The following PFKFB4 variants were observed in gnomAD, a reference collection of about 807,000 sequenced individuals.
The protein encoded by PFKFB4 is 6-phosphofructo-2-kinase/fructose-2,6-bisphosphatase 4.
In PFKFB4, 42 loss-of-function variants were observed where a neutral mutation model predicts 62.8. The ratio of observed to expected loss-of-function variants is 0.67; its 90% CI spans 0.52 to 0.86. The LOEUF is 0.86. Ranked by LOEUF, PFKFB4 falls within the 40% of genes least tolerant of loss-of-function variation. The pLI is 0.00. For missense variants in PFKFB4, 475 were observed against 627.2 expected (o/e 0.76, Z 2.59); for synonymous variants, 204 against 240.7 (o/e 0.85, Z 1.41).
At chr3:48,544,728 GTT>G (rs11348081) in intron 3 of PFKFB4, among the ~76,000 whole-genome samples, 2,689 of 143,552 alleles carry the variant, frequency 0.019, 73 homozygotes, top group African/African-American at 0.064. Flanking sequence ...CAGAAGGTTT[GTT>G]TTTTTTTTTA....
upstream of PFKFB4, among the ~76,000 whole-genome samples, chr3:48,557,838 T>C (rs2043367968): frequency 6.6e-6 from 1 of 152,228 alleles, no homozygotes. Context: ...CGCCCGGCCG[T>C]GCGTGGCACT....
In PFKFB4 at chr3:48,543,602, C is replaced by T. The variant is rs771632526; in HGVS notation, c.356G>A (p.Ser119Asn). The part of the protein sequence containing the change: ...AALRDVRRFL[S>N]EEGGHVAVFD... ...CACCGCCACATGTCCCCCCTCCTCA[C>T]TAAGGAACCGCCGGACGTCACGGAG... is the stretch of plus-strand genomic sequence containing the variant. Residue 119 changes from serine to asparagine, a missense_variant, in exon 4 of 14, where the codon AGT (serine) becomes AAT (asparagine). Physicochemically the swap from Ser to Asn is conservative, Grantham distance 46. Coordinates refer to ENST00000232375, the MANE Select transcript of PFKFB4 (RefSeq NM_004567.4). 1.9e-6 allele frequency: 3 copies of T among 1,611,912 alleles called. No individual in the cohort carries two copies. The highest frequency in any genetic ancestry group is 1.3e-5 in the African/African-American group (1 of 75,032).
chr3:48,527,448 T>G (rs1411432721), intron 9 of PFKFB4, among the ~76,000 whole-genome samples: 2 of 152,004 alleles, frequency 1.3e-5, no homozygotes, highest in African/African-American at 4.8e-5. Flanking sequence ...ACTTGAATAC[T>G]AACACATATT....
rs767799756 is a variant in PFKFB4, at chr3:48,535,588, A to G, written c.911T>C (p.Met304Thr). The G allele has an allele frequency of 1.2e-6, 2 of 1,613,950 alleles. No homozygotes were observed. Among genetic ancestry groups the G allele is most frequent in the Non-Finnish European group, 1.7e-6 (2 of 1,180,000 alleles). ...IKDLKVWTSQ[M>T]KRTIQTAEAL... is the part of the protein sequence containing the mutation. ...CTCAGCCGTCTGGATTGTCCTCTTC[A>G]TCTGGCTTGTCCAGACCTTCAGATC... Residue 304 changes from methionine to threonine, a missense_variant, in exon 9 of 14, where the codon ATG becomes ACG. By Grantham distance (81) the Met-to-Thr change is moderately conservative. Coordinates refer to ENST00000232375, the MANE Select transcript of PFKFB4 (RefSeq NM_004567.4).
At chr3:48,552,562 C>T (rs140834932) in intron 1 of PFKFB4, among the ~76,000 whole-genome samples, 5 of 152,348 alleles carry the variant, frequency 3.3e-5, no homozygotes, top group African/African-American at 7.2e-5. Context: ...TCCTCAGGGC[C>T]GGTGGACAGC....
chr3:48,556,950 G>A (rs954865409), upstream of PFKFB4: 9 of 1,396,628 alleles, frequency 6.4e-6, no homozygotes, highest in Admixed American at 6.8e-5. The surrounding 1 kb of genome is among the most constrained non-coding windows in gnomAD (Gnocchi z 5.7). Flanking sequence ...AGCTGAAAGG[G>A]GCCCGGCCTC....
rs371652005 is a variant in PFKFB4, at chr3:48,536,201, C to T, written c.840+55G>A. On this transcript the variant is annotated intron_variant, in intron 8 of 13. Transcript: ENST00000232375. ...CGCACTCACACATGCATATACCCAG[C>T]CACGCAGGGTACAAATGCAGGCCCG... The T allele has an allele frequency of 4.2e-5, 64 of 1,518,272 alleles. No individual in the cohort carries two copies. In the African/African-American group the frequency reaches 7.3e-4, roughly 17 times the overall value. 94.1% of individuals were successfully genotyped at this position (1,518,272 alleles called of 1,614,324 possible). A position where few individuals can be genotyped will look rare whatever the true frequency, so the allele number is the denominator to read the frequency against.
intron 13 of PFKFB4, among the ~76,000 whole-genome samples, 157 bp from the exon 14 acceptor site, chr3:48,519,963 TG>T (rs921931058): frequency 8.2e-4 from 125 of 152,266 alleles, no homozygotes; most frequent in Non-Finnish European, 1.4e-3. Flanking sequence ...TAAGAATACA[TG>T]GCCAAGAGCT....
chr3:48,538,593 A>G lies in PFKFB4; in HGVS notation c.537T>C (p.Tyr179=), dbSNP rs750179376. The G allele has an allele frequency of 6.2e-7, 1 of 1,614,178 alleles. No individual in the cohort carries two copies. The highest frequency in any genetic ancestry group is 1.1e-5 in the South Asian group (1 of 91,084). Residue 179 remains tyrosine (Y), a synonymous_variant, in exon 7 of 14, where the codon TAT becomes TAC. Transcript: ENST00000232375. ...IVQVKLGSPD[Y]VNRDSDEATE... is the part of the protein sequence containing the mutation. ...TAGCCTCATCACTGTCGCGGTTGACATAGTCAGGGCTGCCCAGTTTCACTT... is the reference window on the plus strand; with the variant it reads ...TAGCCTCATCACTGTCGCGGTTGACGTAGTCAGGGCTGCCCAGTTTCACTT...
chr3:48,536,500 T>G (rs1387893623), intron 7 of PFKFB4, 37 bp from the exon 8 acceptor site: 2 of 1,536,440 alleles, frequency 1.3e-6, no homozygotes, highest in Non-Finnish European at 1.8e-6. Flanking sequence ...CCTGTGAGCG[T>G]GGCCAGGGTT....
At chr3:48,545,093 C>T (rs1043963597) in intron 3 of PFKFB4, among the ~76,000 whole-genome samples, 1 of 152,024 alleles carries the variant, frequency 6.6e-6, no homozygotes, top group Non-Finnish European at 1.5e-5. Context: ...CTATTATCTT[C>T]CCTTTTTCTA....
intron 1 of PFKFB4, among the ~76,000 whole-genome samples, chr3:48,552,114 T>G (rs1397010837): frequency 6.6e-6 from 1 of 152,178 alleles, no homozygotes; most frequent in Non-Finnish European, 1.5e-5. Context: ...GGTTGCCATC[T>G]TGAGTCTGAC....
intron 1 of PFKFB4, among the ~76,000 whole-genome samples, chr3:48,551,552 T>TTA (rs1392228459): frequency 4.2e-5 from 3 of 71,466 alleles, no homozygotes; most frequent in African/African-American, 1.1e-4. Flanking sequence ...TTTTTTTTTT[T>TTA]GAGAGGGAGT....
At chr3:48,520,263 C>A (rs112185902) in intron 13 of PFKFB4, among the ~76,000 whole-genome samples, 1 of 152,190 alleles carries the variant, frequency 6.6e-6, no homozygotes, top group East Asian at 1.9e-4. Context: ...TCCTGGTCTG[C>A]AGCCTGGTCT....
upstream of PFKFB4, chr3:48,561,054 C>T (rs1453058460): frequency 4.8e-5 from 62 of 1,282,036 alleles, no homozygotes; most frequent in Non-Finnish European, 5.8e-5. This position sits in a 1 kb window ranked among gnomAD's most constrained non-coding sequence, Gnocchi z 5.2. Flanking sequence ...GTGCCTACCC[C>T]GCCTGCTGCT....
chr3:48,539,889 T>A (rs960376167), intron 4 of PFKFB4, 118 bp from the exon 5 acceptor site: 2 of 792,296 alleles, frequency 2.5e-6, no homozygotes, highest in Admixed American at 2.3e-5. Flanking sequence ...GGATTTCTCA[T>A]AAGGACCAGC....
rs546388307 is a variant in PFKFB4 at position 48,524,757 on chromosome 3, G to GTA, written c.1092+806_1092+807dup. ...TCTGGGTGGAGGTGCTTCTACATGT[G>GTA]TATATATATGTGTACATATGTGTGT... On this transcript the variant is annotated intron_variant, in intron 10 of 13. Transcript: ENST00000232375. Among the ~76,000 whole-genome samples, 491 of 152,280 alleles carry GTA rather than the reference G, an allele frequency of 3.2e-3. 2 individuals are homozygous for GTA. The highest frequency in any genetic ancestry group is 0.011 in the African/African-American group (469 of 41,552).
chr3:48,523,928 C>T, intron 10 of PFKFB4, 98 bp from the exon 11 acceptor site: 1 of 1,339,252 alleles, frequency 7.5e-7, no homozygotes, highest in Non-Finnish European at 1.0e-6. Flanking sequence ...TGCAGCTACT[C>T]ACCATTCTGG....
In PFKFB4 at chr3:48,550,104, G is replaced by A. The variant is rs572496280; in HGVS notation, c.214+14C>T. 6.3e-7 allele frequency: 1 copy of A among 1,576,266 alleles called. No individual in the cohort carries two copies. The highest frequency in any genetic ancestry group is 1.3e-5 in the African/African-American group (1 of 74,232). On this transcript the variant is annotated intron_variant, in intron 2 of 13. Transcript: ENST00000232375. ...CCACAAAGCTCCCCTTAGACAGCTG[G>A]GGCCAAGCCTCACCCCGAGTGGGCA...
Sources: gnomAD v4.1 joint callset for allele counts (sites outside exome capture counted in the v4.1 genomes callset) on GRCh38, gnomAD v4.1.1 for gene constraint, Gnocchi (gnomAD v3.1) non-coding constraint, MANE v1.5 for transcripts, NCBI Gene and HGNC (gene_info 2026-07-23, HGNC 2026-07-21) for gene names.